SLC35F1: variants seen among roughly 807,000 people sequenced by gnomAD.
The protein encoded by SLC35F1 is solute carrier family 35 member F1, also known as chromosome 6 open reading frame 169.
In SLC35F1, 14 loss-of-function variants were observed where a neutral mutation model predicts 48.7. The observed-to-expected ratio is 0.29, with a 90% CI of 0.19 to 0.45. The LOEUF (loss-of-function observed/expected upper bound fraction) is 0.45. Among genes scored for constraint, SLC35F1 ranks in the 20% least tolerant of loss-of-function variants. The pLI is 1.00. For synonymous variants in SLC35F1, 190 were observed against 202.2 expected (o/e 0.94, Z 0.51); for missense variants, 404 against 500.0 (o/e 0.81, Z 1.83).
chr6:118,182,319 A>G (rs967743725), intron 2 of SLC35F1, among the ~76,000 whole-genome samples: 5 of 151,814 alleles, frequency 3.3e-5, no homozygotes, highest in African/African-American at 1.2e-4. Context: ...CAAATAAAAA[A>G]GAAAAATTTT....
chr6:117,970,420 A>T (rs1451142962), intron 1 of SLC35F1, among the ~76,000 whole-genome samples: 1 of 152,154 alleles, frequency 6.6e-6, no homozygotes, highest in Admixed American at 6.5e-5. Flanking sequence ...GACAGGTATG[A>T]CCTTGAATTT....
In SLC35F1 at chr6:118,060,158, C is replaced by T. The variant is rs151140717; in HGVS notation, c.174-94287C>T. ...CTCCTCATTAGTAGCCTCTTTAGGT[C>T]TGTAAACAGCTAACAATATCTTTAC... On this transcript the variant is annotated intron_variant, in intron 1 of 7. Transcript: ENST00000360388. 7.9e-5 allele frequency among the ~76,000 whole-genome samples: 12 copies of T among 152,260 alleles called. No individual in the cohort carries two copies. The East Asian group carries it at 1.9e-3, about 25-fold the overall frequency.
chr6:118,136,574 G>T (rs376727368), intron 1 of SLC35F1, among the ~76,000 whole-genome samples: 1 of 152,096 alleles, frequency 6.6e-6, no homozygotes, highest in Non-Finnish European at 1.5e-5. Flanking sequence ...CCTCATTAAC[G>T]CATCTCCTTC....
intron 7 of SLC35F1, among the ~76,000 whole-genome samples, chr6:118,286,891 T>C (rs1474945141): frequency 6.6e-6 from 1 of 152,126 alleles, no homozygotes; most frequent in Admixed American, 6.6e-5. Flanking sequence ...ATCACCATGC[T>C]GTATGTTAGG....
chr6:117,972,662 C>CTTTA (rs1776657904), intron 1 of SLC35F1, among the ~76,000 whole-genome samples: 1 of 152,166 alleles, frequency 6.6e-6, no homozygotes, highest in Non-Finnish European at 1.5e-5. Flanking sequence ...CTTTATAAAA[C>CTTTA]CATCAGATCT....
chr6:118,173,400 AAAC>A (rs1393207947), intron 2 of SLC35F1, among the ~76,000 whole-genome samples: 4 of 146,780 alleles, frequency 2.7e-5, no homozygotes, highest in African/African-American at 7.5e-5. Context: ...AAAAAACAAA[AAAC>A]AAAAAAAAAA....
chr6:118,163,424 TCA>T (rs67416879), intron 2 of SLC35F1, among the ~76,000 whole-genome samples: 4,982 of 150,064 alleles, frequency 0.033, 163 homozygotes, highest in African/African-American at 0.084. Context: ...ACACTCACAC[TCA>T]CACACACACA....
chr6:118,285,582 C>G (rs958615559), intron 7 of SLC35F1, among the ~76,000 whole-genome samples: 9 of 152,178 alleles, frequency 5.9e-5, no homozygotes, highest in African/African-American at 2.2e-4. Flanking sequence ...AAGGAAAGAG[C>G]TTTTGAATAC....
chr6:118,214,728 T>C lies in SLC35F1; in HGVS notation c.350-20781T>C, dbSNP rs141758007. Among the ~76,000 whole-genome samples, 51 of 152,238 alleles carry C rather than the reference T, an allele frequency of 3.4e-4. No individual in the cohort carries two copies. In the East Asian group the frequency reaches 9.3e-3, roughly 28 times the overall value. On this transcript the variant is annotated intron_variant, in intron 2 of 7. Coordinates refer to ENST00000360388, the MANE Select transcript of SLC35F1 (RefSeq NM_001029858.4). ...GATCAAATATCTTCTGAAAACCCAATGGGAAAGCATTCCCTGGGATGTCTC... is the reference window on the plus strand; with the variant it reads ...GATCAAATATCTTCTGAAAACCCAACGGGAAAGCATTCCCTGGGATGTCTC...
chr6:118,003,593 G>A (rs1471089691), intron 1 of SLC35F1, among the ~76,000 whole-genome samples: 1 of 152,214 alleles, frequency 6.6e-6, no homozygotes, highest in African/African-American at 2.4e-5. Flanking sequence ...AATGGAAAGA[G>A]AAAGTTTAAA....
intron 1 of SLC35F1, among the ~76,000 whole-genome samples, chr6:118,024,066 A>G (rs1026047656): frequency 5.3e-5 from 8 of 152,194 alleles, no homozygotes; most frequent in Non-Finnish European, 8.8e-5. Flanking sequence ...TGTAGTTACT[A>G]TACTCGGACT....
chr6:118,123,302 C>T (rs1157562685), intron 1 of SLC35F1, among the ~76,000 whole-genome samples: 1 of 152,136 alleles, frequency 6.6e-6, no homozygotes, highest in African/African-American at 2.4e-5. Context: ...CAGGCAAATT[C>T]AGCCCAAAGC....
At chr6:118,080,747 G>A (rs189713977) in intron 1 of SLC35F1, among the ~76,000 whole-genome samples, 21 of 152,254 alleles carry the variant, frequency 1.4e-4, no homozygotes, top group African/African-American at 5.1e-4. Context: ...ACTCCTAGTG[G>A]CTACAGAGCT....
At chr6:118,113,742 T>C (rs1420893259) in intron 1 of SLC35F1, among the ~76,000 whole-genome samples, 1 of 152,236 alleles carries the variant, frequency 6.6e-6, no homozygotes, top group African/African-American at 2.4e-5. Flanking sequence ...TCCTGGGTTC[T>C]GTTTTCAAAT....
At chr6:118,290,570 T>G (rs1424899818) in intron 7 of SLC35F1, among the ~76,000 whole-genome samples, 4 of 152,020 alleles carry the variant, frequency 2.6e-5, no homozygotes, top group East Asian at 3.9e-4. Flanking sequence ...AAAAAAAAAT[T>G]TATTTGCCTT....
chr6:118,145,674 T>G (rs536616339), intron 1 of SLC35F1, among the ~76,000 whole-genome samples: 1 of 152,324 alleles, frequency 6.6e-6, no homozygotes, highest in East Asian at 1.9e-4. Context: ...GGCTTTGTTC[T>G]AAGTATACAG....
intron 1 of SLC35F1, among the ~76,000 whole-genome samples, chr6:118,031,500 A>T (rs2114893262): frequency 6.6e-6 from 1 of 152,314 alleles, no homozygotes; most frequent in African/African-American, 2.4e-5. Context: ...TCTAAGGGGT[A>T]CATGAAGAGC....
chr6:117,997,004 G>A (rs1777003506), intron 1 of SLC35F1, among the ~76,000 whole-genome samples: 1 of 152,176 alleles, frequency 6.6e-6, no homozygotes, highest in South Asian at 2.1e-4. Flanking sequence ...CAAACCAAAG[G>A]CAAAGAAGTT....
intron 1 of SLC35F1, among the ~76,000 whole-genome samples, chr6:118,014,453 A>C (rs1339745064): frequency 6.6e-6 from 1 of 152,212 alleles, no homozygotes; most frequent in East Asian, 1.9e-4. Flanking sequence ...AACATGCTAA[A>C]AACAAGGATT....
Sources: gnomAD v4.1 joint callset for allele counts (sites outside exome capture counted in the v4.1 genomes callset) on GRCh38, gnomAD v4.1.1 for gene constraint, MANE v1.5 for transcripts, NCBI Gene and HGNC (gene_info 2026-07-23, HGNC 2026-07-21) for gene names.